CR1: variants seen among roughly 807,000 people sequenced by gnomAD.
CR1 encodes complement C3b/C4b receptor 1 (Knops blood group), also known as complement receptor type 1.
In CR1, 116 loss-of-function variants were observed where a neutral mutation model predicts 187.3. The ratio of observed to expected loss-of-function variants is 0.62; its 90% CI spans 0.53 to 0.72. The LOEUF is 0.72. Among genes scored for constraint, CR1 ranks in the 30% least tolerant of loss-of-function variants. The pLI is 0.00. For missense variants in CR1, 1,731 were observed against 2,110.7 expected (o/e 0.82, Z 3.52); for synonymous variants, 576 against 747.1 (o/e 0.77, Z 3.73).
chr1:207,565,767 G>A, intron 23 of CR1, 71 bp from the exon 24 acceptor site: 2 of 1,595,294 alleles, frequency 1.3e-6, no homozygotes, highest in South Asian at 1.1e-5. Flanking sequence ...ATTGGGGCTG[G>A]GCCTTAGATT....
chr1:207,591,853 G>T (rs538964180), intron 35 of CR1, among the ~76,000 whole-genome samples: 1 of 152,268 alleles, frequency 6.6e-6, no homozygotes, highest in Admixed American at 6.5e-5. Flanking sequence ...AGAAGAAATG[G>T]ATAAATTCCT....
chr1:207,615,106 G>A (rs1296009066), intron 40 of CR1, among the ~76,000 whole-genome samples: 25 of 152,098 alleles, frequency 1.6e-4, no homozygotes, highest in Admixed American at 1.6e-3. Context: ...ACCATGCCCA[G>A]CCAAATTTTT....
intron 43 of CR1, among the ~76,000 whole-genome samples, chr1:207,621,664 A>G (rs886765192): frequency 2.0e-5 from 3 of 152,212 alleles, no homozygotes; most frequent in African/African-American, 7.2e-5. Context: ...AAACACACAT[A>G]TAAGGAAATG....
At chr1:207,579,294 G>T (rs1292827447) in intron 29 of CR1, among the ~76,000 whole-genome samples, 1 of 152,150 alleles carries the variant, frequency 6.6e-6, no homozygotes, top group East Asian at 1.9e-4. Flanking sequence ...TTGATACATA[G>T]GGACAGAGAA....
intron 35 of CR1, among the ~76,000 whole-genome samples, chr1:207,603,216 C>T (rs1158111351): frequency 1.3e-5 from 2 of 151,930 alleles, no homozygotes; most frequent in South Asian, 4.1e-4. Context: ...TTGATACCCA[C>T]CTCTCAGTGT....
rs577037820 is a variant in CR1 at position 207,574,498 on chromosome 1, A to G, written c.4452-1097A>G. On this transcript the variant is annotated intron_variant, in intron 27 of 46. Transcript: ENST00000367049. ...CCAGGTAATTCATAAGCAAATTTTTAAAAAGGAGAATGATGAATTCCAAAG... is the reference window on the plus strand; with the variant it reads ...CCAGGTAATTCATAAGCAAATTTTTGAAAAGGAGAATGATGAATTCCAAAG... Among the ~76,000 whole-genome samples the G allele has an allele frequency of 2.0e-5, 3 of 152,322 alleles. No individual in the cohort carries two copies. The East Asian group carries it at 5.8e-4, about 29-fold the overall frequency.
chr1:207,619,840 C>T (rs1662262317), intron 42 of CR1, 40 bp from the exon 43 acceptor site: 1 of 1,519,018 alleles, frequency 6.6e-7, no homozygotes, highest in African/African-American at 1.4e-5. Context: ...GGACAATCAA[C>T]AATAAAATAT....
At chr1:207,637,796 T>C (rs1030730181) in intron 46 of CR1, among the ~76,000 whole-genome samples, 2 of 152,160 alleles carry the variant, frequency 1.3e-5, no homozygotes, top group African/African-American at 4.8e-5. Flanking sequence ...ATCTCCGCGG[T>C]GGCGCTTTTC....
At chr1:207,619,822 G>A in intron 42 of CR1, 58 bp from the exon 43 acceptor site, 1 of 1,484,318 alleles carries the variant, frequency 6.7e-7, no homozygotes, top group South Asian at 1.3e-5. Context: ...TATTCTCGCA[G>A]TTAAAACGGA....
chr1:207,581,521 G>A (rs562399338), intron 31 of CR1, among the ~76,000 whole-genome samples: 1 of 148,142 alleles, frequency 6.8e-6, no homozygotes, highest in East Asian at 1.9e-4. Flanking sequence ...ATATTCTAGG[G>A]GTTGTTAAGA....
Position 207,609,468 on chromosome 1 carries a change from T to C in CR1, c.6075T>C (p.Val2025=). ...SIYCTSKDDQ[V]GVWSSPPPRC... The stretch of plus-strand genomic sequence containing the variant: ...ATTGCACCAGCAAAGATGATCAAGT[T>C]GGTGTTTGGAGCAGCCCTCCCCCTC... Residue 2025 remains valine, a synonymous_variant, in exon 37 of 47, where the codon GTT becomes GTC. Transcript: ENST00000367049. 6.2e-7 allele frequency: 1 copy of C among 1,614,014 alleles called. No individual in the cohort carries two copies. The highest frequency in any genetic ancestry group is 8.5e-7 in the Non-Finnish European group (1 of 1,179,894).
chr1:207,634,301 G>A (rs547482303), intron 46 of CR1, among the ~76,000 whole-genome samples: 12 of 152,238 alleles, frequency 7.9e-5, no homozygotes, highest in African/African-American at 2.9e-4. Flanking sequence ...TCACTTTTCG[G>A]TAGGTATAAA....
At chr1:207,587,140 C>T (rs541682248) in intron 33 of CR1, among the ~76,000 whole-genome samples, 20 of 152,296 alleles carry the variant, frequency 1.3e-4, no homozygotes, top group African/African-American at 4.8e-4. Context: ...GAAGTTCTTG[C>T]TTTGGTGAAA....
rs1662982610 is a variant in CR1 at position 207,641,406 on chromosome 1, A to G, written c.*1997A>G. On this transcript the variant is annotated 3_prime_UTR_variant, in exon 47 of 47. Transcript: ENST00000367049. ...ACCCAGGCTGGAGTGCAGTGGTGCT[A>G]TCTAGGCTTACTGCAACCTCACCTG... 1 of 152,176 alleles carries G rather than the reference A, an allele frequency of 6.6e-6. No homozygotes were observed. The highest frequency in any genetic ancestry group is 6.5e-5 in the Admixed American group (1 of 15,278). The allele number at this position is 152,176 out of a possible 1,614,324, so 9.4% of individuals were successfully genotyped here.
rs1241525521 is a variant in CR1 at position 207,588,657 on chromosome 1, T to C, written c.5711-18T>C. 2 of 1,567,752 alleles carry C rather than the reference T, an allele frequency of 1.3e-6. No individual in the cohort carries two copies. The highest frequency in any genetic ancestry group is 1.8e-6 in the Non-Finnish European group (2 of 1,139,414). On this transcript the variant is annotated intron_variant, in intron 34 of 46. Transcript: ENST00000367049. ...GTTGAACTCTATATTTAATCCCAAATTCTGCTTCTTCCCCTAGGAAAATCA... is the reference window on the plus strand; with the variant it reads ...GTTGAACTCTATATTTAATCCCAAACTCTGCTTCTTCCCCTAGGAAAATCA...
intron 32 of CR1, 105 bp from the exon 33 acceptor site, chr1:207,584,544 A>G (rs1661051491): frequency 1.5e-6 from 2 of 1,374,348 alleles, no homozygotes; most frequent in South Asian, 2.9e-5. Flanking sequence ...TAAGAAGAAA[A>G]GTACGCTTAA....
chr1:207,611,604 C>A, intron 37 of CR1, 73 bp from the exon 38 acceptor site: 2 of 1,569,454 alleles, frequency 1.3e-6, no homozygotes, highest in South Asian at 1.2e-5. Context: ...TTTAAGCCCT[C>A]TGGTAAGCAT....
At position 207,574,245 on chromosome 1, in the gene CR1, C is replaced by T. The variant is rs1378972007; in HGVS notation, c.4452-1350C>T. 2.6e-5 allele frequency among the ~76,000 whole-genome samples: 4 copies of T among 152,132 alleles called. No individual in the cohort carries two copies. In the South Asian group the frequency reaches 8.3e-4, roughly 31 times the overall value. On this transcript the variant is annotated intron_variant, in intron 27 of 46. Coordinates refer to ENST00000367049, the MANE Select transcript of CR1 (RefSeq NM_000651.6). Reference sequence around the variant, plus strand: ...CCATACCTAGCCATCACTAGGGAAACTTCTGTGTTTCAGGGATAGAGAAAA... The same window carrying T: ...CCATACCTAGCCATCACTAGGGAAATTTCTGTGTTTCAGGGATAGAGAAAA...
rs768842467 is a variant in CR1 at position 207,622,012 on chromosome 1, G to C, written c.7276+16G>C. 4 of 1,589,560 alleles carry C rather than the reference G, an allele frequency of 2.5e-6. No individual in the cohort carries two copies. Among genetic ancestry groups the C allele is most frequent in the Non-Finnish European group, 3.4e-6 (4 of 1,165,280 alleles). On this transcript the variant is annotated intron_variant, in intron 44 of 46. Transcript: ENST00000367049. Reference sequence around the variant, plus strand: ...CTCATAGTTGGTAAGTTTTATGAAAGTTTTGCTGAGGAATTCTGGCATCTA... The same window carrying C: ...CTCATAGTTGGTAAGTTTTATGAAACTTTTGCTGAGGAATTCTGGCATCTA...
Sources: allele counts gnomAD v4.1 joint callset (sites outside exome capture counted in the v4.1 genomes callset), GRCh38; gene constraint gnomAD v4.1.1; transcripts MANE v1.5; gene names NCBI Gene and HGNC (gene_info 2026-07-23, HGNC 2026-07-21).